RC3H2: variants seen among roughly 807,000 people sequenced by gnomAD.
RC3H2 encodes ring finger and CCCH-type domains 2.
In RC3H2, 31 loss-of-function variants were observed where a neutral mutation model predicts 133.3. That is an observed-to-expected ratio of 0.23 (90% confidence interval 0.17 to 0.31). The LOEUF (loss-of-function observed/expected upper bound fraction) is 0.31. RC3H2 is among the 10% of genes least tolerant of loss of function. The probability of loss-of-function intolerance (pLI) is 1.00; values close to 1 mark genes in which losing one functional copy is unlikely to be tolerated. For missense variants in RC3H2, 1,175 were observed against 1,437.2 expected, an observed-to-expected ratio of 0.82 and a Z score of 2.95; for synonymous variants, 517 against 502.2, an observed-to-expected ratio of 1.03 and a Z score of -0.40.
At chr9:122,868,895 GTTTTTT>G (rs10709763) in intron 9 of RC3H2, among the ~76,000 whole-genome samples, 1 of 99,614 alleles carries the variant, frequency 1.0e-5, no homozygotes, top group South Asian at 2.9e-4. Flanking sequence ...GTGTGTATGT[GTTTTTT>G]TTTTTTTTTT....
rs757830712 is a variant in RC3H2, at chr9:122,857,963, G to A, written c.2414C>T (p.Thr805Ile). Residue 805 changes from threonine to isoleucine, a missense_variant, in exon 13 of 21, where the codon ACA becomes ATA. Around this residue, in one of 8 missense-constraint regions of RC3H2, gnomAD observed 490 missense variants for 492.8 expected, o/e 0.99. Transcript: ENST00000357244. The part of the protein sequence containing the change: ...STLPVATQSP[T>I]PPSPLFSVDF... ...TACACTGAACAGAGGAGAAGGTGGT[G>A]TTGGTGACTGTGTTGCCACAGGAAG... The A allele has an allele frequency of 4.3e-6, 7 of 1,614,178 alleles. No individual in the cohort carries two copies. The Admixed American group carries it at 1.0e-4, about 23-fold the overall frequency.
rs1194047155 is a variant in RC3H2, at chr9:122,846,761, T to TAA, written c.*2864_*2865dup. 1 of 152,168 alleles carries TAA rather than the reference T, an allele frequency of 6.6e-6. No homozygotes were observed. Among genetic ancestry groups the TAA allele is most frequent in the East Asian group, 1.9e-4 (1 of 5,204 alleles). The allele number at this position is 152,168 out of a possible 1,614,324, so 9.4% of individuals were successfully genotyped here. ...AAATTTGTACATCACATCTTGTTGG[T>TAA]AAAAAGGCCAAATGACGGGAAATGC... On this transcript the variant is annotated 3_prime_UTR_variant, in exon 21 of 21. Coordinates refer to ENST00000357244, the MANE Select transcript of RC3H2 (RefSeq NM_001100588.3).
At chr9:122,900,874 G>C (rs1372053556) in intron 1 of RC3H2, among the ~76,000 whole-genome samples, 1 of 152,144 alleles carries the variant, frequency 6.6e-6, no homozygotes, top group Admixed American at 6.5e-5. Context: ...TAAAGCATAG[G>C]AGTGAGAAAT....
intron 9 of RC3H2, among the ~76,000 whole-genome samples, chr9:122,866,847 C>T (rs1258159173): frequency 2.0e-5 from 3 of 152,020 alleles, no homozygotes; most frequent in Non-Finnish European, 2.9e-5. Context: ...AAGTGAGGAG[C>T]GTCTCTGCCT....
rs1830441063 is a variant in RC3H2 at position 122,861,201 on chromosome 9, C to G, written c.1635-1070G>C. On this transcript the variant is annotated intron_variant, in intron 10 of 20. Transcript: ENST00000357244. ...GCTTTCTTAACTCCTTTTAAGAAGT[C>G]AAATTTCGGCCGGGCACGGTGGCTC... 2.0e-5 allele frequency among the ~76,000 whole-genome samples: 3 copies of G among 151,968 alleles called. No individual in the cohort carries two copies. The South Asian group carries it at 6.2e-4, about 32-fold the overall frequency.
At chr9:122,895,445 G>A (rs1320297156) in intron 2 of RC3H2, among the ~76,000 whole-genome samples, 1 of 152,070 alleles carries the variant, frequency 6.6e-6, no homozygotes, top group East Asian at 1.9e-4. Context: ...TGAGATTACA[G>A]GTGTAAGCCA....
At position 122,905,123 on chromosome 9, in the gene RC3H2, G is replaced by T; in HGVS notation, c.-81C>A. 1.0e-6 allele frequency: 1 copy of T among 985,414 alleles called. No homozygotes were observed. The highest frequency in any genetic ancestry group is 1.7e-5 in the African/African-American group (1 of 57,370). 61.0% of individuals were successfully genotyped at this position (985,414 alleles called of 1,614,324 possible). ...CCCCCGCCCTACCTGAGGGGGCCCG[G>T]GCGGGGTCGCTAAGGGCCGCTCCCG... On this transcript the variant is annotated 5_prime_UTR_variant, in exon 1 of 21. Coordinates refer to ENST00000357244, the MANE Select transcript of RC3H2 (RefSeq NM_001100588.3).
Position 122,856,046 on chromosome 9 carries a change from C to T in RC3H2, c.2455-168G>A, listed in dbSNP as rs560904754. Among the ~76,000 whole-genome samples, 5 of 152,092 alleles carry T rather than the reference C, an allele frequency of 3.3e-5. No individual in the cohort carries two copies. The South Asian group carries it at 1.0e-3, about 32-fold the overall frequency. On this transcript the variant is annotated intron_variant, in intron 13 of 20. Coordinates refer to ENST00000357244, the MANE Select transcript of RC3H2 (RefSeq NM_001100588.3). The stretch of plus-strand genomic sequence containing the variant: ...TAATAAGCAAGAAATGGTATTTTTA[C>T]AATAGAAAATGGCATGCTTTCCCTT...
At chr9:122,875,170 T>G (rs1831277263) in intron 9 of RC3H2, 2 of 1,545,066 alleles carry the variant, frequency 1.3e-6, no homozygotes, top group African/African-American at 2.8e-5. Context: ...TCCTTAGGAC[T>G]CCTTAATCCT....
At chr9:122,892,632 C>A (rs776050212) in intron 3 of RC3H2, among the ~76,000 whole-genome samples, 1 of 152,116 alleles carries the variant, frequency 6.6e-6, no homozygotes, top group African/African-American at 2.4e-5. Flanking sequence ...AGGATAGTCT[C>A]GATCTTCTGA....
At chr9:122,877,340 A>G in intron 9 of RC3H2, 131 bp downstream of exon 9, 1 of 686,178 alleles carries the variant, frequency 1.5e-6, no homozygotes, top group Non-Finnish European at 2.5e-6. Flanking sequence ...TGCTGGGACT[A>G]CAGGCATGAG....
chr9:122,892,866 A>G, intron 3 of RC3H2, 43 bp downstream of exon 3: 1 of 1,466,988 alleles, frequency 6.8e-7, no homozygotes, highest in Non-Finnish European at 9.5e-7. Flanking sequence ...TAAATGTACT[A>G]CCAAGTCCTA....
At chr9:122,885,400 A>C (rs915963432) in intron 4 of RC3H2, among the ~76,000 whole-genome samples, 3 of 152,228 alleles carry the variant, frequency 2.0e-5, no homozygotes, top group Non-Finnish European at 4.4e-5. Flanking sequence ...GTTATTAATC[A>C]AAACAATAGA....
chr9:122,853,569 T>C (rs1039682509), intron 18 of RC3H2, among the ~76,000 whole-genome samples: 2 of 152,030 alleles, frequency 1.3e-5, no homozygotes, highest in African/African-American at 4.8e-5. Flanking sequence ...TTAGCCAACA[T>C]GGTGAAACCC....
intron 4 of RC3H2, among the ~76,000 whole-genome samples, chr9:122,886,045 G>C (rs931996094): frequency 1.3e-5 from 2 of 152,096 alleles, no homozygotes; most frequent in African/African-American, 4.8e-5. Context: ...GCACCACCAT[G>C]CCCAGCTAAT....
intron 10 of RC3H2, among the ~76,000 whole-genome samples, chr9:122,860,587 G>A (rs1432218322): frequency 1.3e-5 from 2 of 151,584 alleles, no homozygotes; most frequent in Non-Finnish European, 2.9e-5. Flanking sequence ...CTAATTTTTA[G>A]TTTTTTTGTA....
chr9:122,865,361 G>A lies in RC3H2; in HGVS notation c.1622C>T (p.Ser541Phe). ...ACCTAATACCTACTTTTCAGTTACA[G>A]AATCTGCAGAGGGCCCAGCAGCATT... Reference protein sequence around the residue: ...GQNAAGPSADSVTENKIGSPP... With the variant: ...GQNAAGPSADFVTENKIGSPP... The change falls in exon 10 of 21, where the codon TCT becomes TTT. Residue 541 changes from serine to phenylalanine, a missense_variant. Ser to Phe is a radical substitution (Grantham distance 155). Transcript: ENST00000357244. The A allele has an allele frequency of 6.2e-7, 1 of 1,601,034 alleles. No individual in the cohort carries two copies. The highest frequency in any genetic ancestry group is 1.3e-5 in the African/African-American group (1 of 74,636).
chr9:122,853,394 A>AG (rs201428234), intron 18 of RC3H2, among the ~76,000 whole-genome samples: 5,825 of 150,908 alleles, frequency 0.039, 215 homozygotes, highest in African/African-American at 0.089. Flanking sequence ...AAAAAAAAAA[A>AG]AAAGAAAAAT....
chr9:122,849,854 T>C lies in RC3H2; in HGVS notation c.3381-32A>G, dbSNP rs538194865. ...AAAAAGAAATGACATTAAAAACAAA[T>C]TAGCTTTAAGTGCAAACTGTTAAGG... On this transcript the variant is annotated intron_variant, in intron 20 of 20. Coordinates refer to ENST00000357244, the MANE Select transcript of RC3H2 (RefSeq NM_001100588.3). 13 of 1,465,156 alleles carry C rather than the reference T, an allele frequency of 8.9e-6. No homozygotes were observed. The African/African-American group carries it at 1.8e-4, about 21-fold the overall frequency. The allele number at this position is 1,465,156 out of a possible 1,614,324, so 90.8% of individuals were successfully genotyped here. A position where few individuals can be genotyped will look rare whatever the true frequency, so the allele number is the denominator to read the frequency against.
Sources: allele counts gnomAD v4.1 joint callset (sites outside exome capture counted in the v4.1 genomes callset), GRCh38; gene constraint gnomAD v4.1.1; regional missense constraint gnomAD v4.1.1; transcripts MANE v1.5; gene names NCBI Gene and HGNC (gene_info 2026-07-23, HGNC 2026-07-21).